The following CFAP44 variants were observed in gnomAD, a reference collection of about 807,000 sequenced individuals.
CFAP44 encodes the protein cilia- and flagella-associated protein 44.
A neutral mutation model predicts 216.2 loss-of-function variants in CFAP44; 134 were observed. That is an observed-to-expected ratio of 0.62 (90% confidence interval 0.54 to 0.72). The LOEUF is 0.72. CFAP44 is among the 30% of genes least tolerant of loss of function. The probability of loss-of-function intolerance (pLI) is 0.00; values close to 1 mark genes in which losing one functional copy is unlikely to be tolerated. For missense variants in CFAP44, 2,035 were observed against 2,182.1 expected (o/e 0.93, Z 1.34); for synonymous variants, 700 against 727.6 (o/e 0.96, Z 0.61).
At chr3:113,402,774 T>A (rs546106403) in intron 9 of CFAP44, among the ~76,000 whole-genome samples, 3 of 152,176 alleles carry the variant, frequency 2.0e-5, no homozygotes, top group Non-Finnish European at 2.9e-5. Context: ...GAAATACTGG[T>A]GTCCATGAAG....
At chr3:113,430,990 T>G (rs372564772) in intron 2 of CFAP44, among the ~76,000 whole-genome samples, 1 of 152,142 alleles carries the variant, frequency 6.6e-6, no homozygotes, top group Admixed American at 6.6e-5. Context: ...AACTCAGAGA[T>G]AGCAGAAACC....
intron 21 of CFAP44, chr3:113,362,892 T>C (rs1391238688): frequency 1.6e-6 from 2 of 1,219,864 alleles, no homozygotes; most frequent in African/African-American, 1.6e-5. Context: ...TTCTTCCCCA[T>C]GTATTCCTTT....
intron 31 of CFAP44, among the ~76,000 whole-genome samples, chr3:113,304,691 T>C (rs1363227727): frequency 3.3e-5 from 5 of 152,232 alleles, no homozygotes; most frequent in Non-Finnish European, 7.3e-5. Context: ...GCATGATTAG[T>C]CCATGTATAG....
intron 28 of CFAP44, among the ~76,000 whole-genome samples, chr3:113,314,303 T>C (rs1391875730): frequency 1.3e-5 from 2 of 152,090 alleles, no homozygotes; most frequent in Non-Finnish European, 1.5e-5. Context: ...ACATTAACTA[T>C]AGGGGATACA....
intron 28 of CFAP44, among the ~76,000 whole-genome samples, chr3:113,313,296 T>C (rs1235548119): frequency 6.6e-6 from 1 of 152,128 alleles, no homozygotes; most frequent in Non-Finnish European, 1.5e-5. Flanking sequence ...ATCTCTTTGT[T>C]TTGGTCAATT....
chr3:113,409,038 C>T, intron 7 of CFAP44, 68 bp downstream of exon 7: 1 of 747,564 alleles, frequency 1.3e-6, no homozygotes, highest in East Asian at 3.1e-5. Context: ...AAGTCTCCAG[C>T]TCTTAGATCC....
intron 4 of CFAP44, among the ~76,000 whole-genome samples, chr3:113,422,463 G>A (rs1391723480): frequency 6.6e-6 from 1 of 152,122 alleles, no homozygotes; most frequent in Non-Finnish European, 1.5e-5. Context: ...TTACCAAATG[G>A]TTAAACTGAA....
In CFAP44 at chr3:113,366,088, G is replaced by GA. The variant is rs776033769; in HGVS notation, c.2665dup (p.Ser889PhefsTer2). The GA allele has an allele frequency of 2.5e-6, 4 of 1,613,598 alleles. No homozygotes were observed. The highest frequency in any genetic ancestry group is 2.7e-5 in the African/African-American group (2 of 74,858). The stretch of plus-strand genomic sequence containing the variant: ...CATGTCTTTCCTTAGCATAAATTCA[G>GA]AAAAAATGTTGAAAACAAAGATATT... On this transcript the variant is annotated frameshift_variant, in exon 19 of 35. Transcript: ENST00000393845. LOFTEE classifies it high-confidence loss of function.
chr3:113,417,144 T>C (rs1449401918), intron 5 of CFAP44: 1 of 152,354 alleles, frequency 6.6e-6, no homozygotes, highest in East Asian at 1.9e-4. Flanking sequence ...ATGAACTGTC[T>C]ACCCTACATA....
chr3:113,355,519 A>G (rs1240582330), intron 22 of CFAP44, among the ~76,000 whole-genome samples: 2 of 152,180 alleles, frequency 1.3e-5, no homozygotes, highest in South Asian at 2.1e-4. Context: ...GACTCCATCC[A>G]TGGAATACTA....
chr3:113,317,536 AC>A (rs1950100186), intron 28 of CFAP44, among the ~76,000 whole-genome samples: 2 of 152,200 alleles, frequency 1.3e-5, no homozygotes, highest in Non-Finnish European at 2.9e-5. Context: ...GCATTGCTGC[AC>A]CTGAGTAGTT....
intron 27 of CFAP44, 88 bp downstream of exon 27, chr3:113,327,528 G>A (rs377553503): frequency 4.2e-6 from 5 of 1,199,418 alleles, no homozygotes; most frequent in African/African-American, 1.5e-5. Context: ...GCTAGAACAA[G>A]TGGGAGATTT....
rs1475255516 is a variant in CFAP44, at chr3:113,330,657, A to G, written c.3627T>C (p.Asn1209=). The change falls in exon 26 of 35, where the codon AAT becomes AAC. Residue 1209 remains asparagine (N), a synonymous_variant. Transcript: ENST00000393845. The part of the protein sequence containing the change: ...LGHLDSLVHG[N]KRHMNKCILS... ...GAATGCACTTGTTCATGTGCCTTTT[A>G]TTTCCATGGACCTGAAAAAAAGAAG... The G allele has an allele frequency of 3.3e-6, 5 of 1,531,264 alleles. No individual in the cohort carries two copies. Among genetic ancestry groups the G allele is most frequent in the Non-Finnish European group, 3.5e-6 (4 of 1,144,928 alleles). 94.9% of individuals were successfully genotyped at this position (1,531,264 alleles called of 1,614,324 possible). A position where few individuals can be genotyped will look rare whatever the true frequency, so the allele number is the denominator to read the frequency against.
chr3:113,377,176 CTT>C (rs1297047185), intron 17 of CFAP44, among the ~76,000 whole-genome samples: 1 of 152,140 alleles, frequency 6.6e-6, no homozygotes. Context: ...AGAAGAAAGA[CTT>C]AATGTAATAA....
At chr3:113,318,590 T>A (rs1365944062) in intron 28 of CFAP44, among the ~76,000 whole-genome samples, 1 of 152,064 alleles carries the variant, frequency 6.6e-6, no homozygotes, top group Non-Finnish European at 1.5e-5. Context: ...CAGCTAGATA[T>A]GATACAAGAT....
chr3:113,379,785 AT>A (rs796532705), intron 16 of CFAP44, among the ~76,000 whole-genome samples: 1 of 152,112 alleles, frequency 6.6e-6, no homozygotes, highest in Non-Finnish European at 1.5e-5. Flanking sequence ...TTATTTGGTC[AT>A]TTTTTTCATA....
intron 6 of CFAP44, among the ~76,000 whole-genome samples, chr3:113,412,401 CT>C (rs1226176332): frequency 1.4e-5 from 2 of 146,176 alleles, no homozygotes; most frequent in Admixed American, 1.3e-4. Flanking sequence ...TTAAATATAT[CT>C]CTTTTATTTC....
At chr3:113,299,861 C>G (rs1261258776) in intron 32 of CFAP44, among the ~76,000 whole-genome samples, 1 of 152,140 alleles carries the variant, frequency 6.6e-6, no homozygotes, top group African/African-American at 2.4e-5. Context: ...GATCCCGTCT[C>G]TACAAAAACA....
At chr3:113,388,941 C>A (rs1442101641) in intron 15 of CFAP44, among the ~76,000 whole-genome samples, 1 of 152,122 alleles carries the variant, frequency 6.6e-6, no homozygotes, top group Non-Finnish European at 1.5e-5. Flanking sequence ...GATTCTAACA[C>A]CCAACTGTCA....
Sources: allele counts gnomAD v4.1 joint callset (sites outside exome capture counted in the v4.1 genomes callset), GRCh38; gene constraint gnomAD v4.1.1; transcripts MANE v1.5; gene names NCBI Gene and HGNC (gene_info 2026-07-23, HGNC 2026-07-21).